Variants in MECR observed in about 807,000 individuals in gnomAD.
The protein encoded by MECR is enoyl-[acyl-carrier-protein] reductase, mitochondrial.
Under a neutral mutation model 49.1 loss-of-function variants are expected in MECR, and 37 were observed. That is an observed-to-expected ratio of 0.75 (90% CI 0.58 to 0.99). The LOEUF is 0.99. MECR is among the 50% of genes least tolerant of loss of function. The pLI is 0.00. For missense variants in MECR, 470 were observed against 479.6 expected (o/e 0.98, Z 0.19); for synonymous variants, 198 against 191.1 (o/e 1.04, Z -0.30).
chr1:29,169,734 G>T, the MECR span: 14 of 152,238 alleles, frequency 9.2e-5, no homozygotes, highest in Non-Finnish European at 1.6e-4. Context: ...TCAAGCCCAT[G>T]GTATTGAGTC....
chr1:29,220,486 C>T (rs1342358031), intron 1 of MECR, among the ~76,000 whole-genome samples: 4 of 152,200 alleles, frequency 2.6e-5, no homozygotes, highest in African/African-American at 9.6e-5. Flanking sequence ...TGCTCTTCCT[C>T]GTTTTAGGCT....
chr1:29,177,506 T>A, the MECR span, among the ~76,000 whole-genome samples: 1 of 152,100 alleles, frequency 6.6e-6, no homozygotes, highest in Non-Finnish European at 1.5e-5. Context: ...GGTCTTGAAC[T>A]TATGACCTTG....
At chr1:29,192,552 G>C (rs535640941), downstream of MECR, among the ~76,000 whole-genome samples, 3 of 152,142 alleles carry the variant, frequency 2.0e-5, no homozygotes, top group South Asian at 6.2e-4. Flanking sequence ...TTCTTTCATT[G>C]GTATCCTTAG....
chr1:29,181,623 G>T, the MECR span: 1 of 1,562,592 alleles, frequency 6.4e-7, no homozygotes, highest in Non-Finnish European at 8.7e-7. Flanking sequence ...CCGCCCGGCC[G>T]GACCCTCTTT....
Position 29,216,061 on chromosome 1 carries a change from C to T in MECR, c.350G>A (p.Ser117Asn), listed in dbSNP as rs199787758. The T allele has an allele frequency of 8.7e-6, 14 of 1,614,074 alleles. No individual in the cohort carries two copies. The Admixed American group carries it at 1.7e-4, about 19-fold the overall frequency. The change falls in exon 3 of 10, where the codon AGC becomes AAC. Residue 117 changes from serine to asparagine, a missense_variant. Transcript: ENST00000263702. ...EGVAQVVAVG[S>N]NVTGLKPGDW... ...TCCTGGCTTCAGCCCGGTCACATTG[C>T]TGCCCACCGCTACCACCTGTGCAAC...
intron 3 of MECR, among the ~76,000 whole-genome samples, chr1:29,208,272 G>A (rs1241188891): frequency 6.6e-6 from 1 of 152,216 alleles, no homozygotes; most frequent in African/African-American, 2.4e-5. Context: ...GATTACAGGC[G>A]TGAGCCACTG....
chr1:29,177,764 G>A, the MECR span, among the ~76,000 whole-genome samples: 2 of 152,100 alleles, frequency 1.3e-5, no homozygotes, highest in Admixed American at 6.5e-5. Flanking sequence ...AAAACGGTAG[G>A]CAATGAACTC....
chr1:29,176,827 T>G, the MECR span, among the ~76,000 whole-genome samples: 2 of 152,226 alleles, frequency 1.3e-5, no homozygotes, highest in African/African-American at 4.8e-5. Context: ...CAACATCCCC[T>G]GAAAATTCAG....
chr1:29,205,616 G>A (rs1366922349), intron 4 of MECR, among the ~76,000 whole-genome samples: 2 of 151,686 alleles, frequency 1.3e-5, no homozygotes, highest in African/African-American at 4.8e-5. Context: ...CGGATCACAA[G>A]GTCAGGAGTT....
intron 9 of MECR, 25 bp from the exon 10 acceptor site, chr1:29,194,204 A>G (rs761755003): frequency 3.8e-6 from 6 of 1,580,612 alleles, no homozygotes; most frequent in Non-Finnish European, 5.2e-6. Context: ...AGGAAATCAG[A>G]CAAGAGAACA....
At chr1:29,181,857 G>A in the MECR span, 5 of 965,150 alleles carry the variant, frequency 5.2e-6, no homozygotes, top group East Asian at 3.4e-5. Context: ...CGGGCGGGCG[G>A]CGGGACGGAC....
chr1:29,213,596 G>C (rs1678578608), intron 3 of MECR, among the ~76,000 whole-genome samples: 1 of 152,246 alleles, frequency 6.6e-6, no homozygotes, highest in Non-Finnish European at 1.5e-5. Flanking sequence ...CCTTCTGGGG[G>C]ATGGATATGG....
At chr1:29,224,878 C>G (rs940684534) in intron 1 of MECR, 1 of 152,234 alleles carries the variant, frequency 6.6e-6, no homozygotes, top group Admixed American at 6.5e-5. Context: ...CCCCTCCCAC[C>G]TCACCCAGGG....
downstream of MECR, among the ~76,000 whole-genome samples, chr1:29,188,066 C>T (rs1376191942): frequency 2.0e-5 from 3 of 148,396 alleles, no homozygotes; most frequent in Non-Finnish European, 4.5e-5. Context: ...AGACGCACAC[C>T]ACCATGCCTG....
At position 29,201,234 on chromosome 1, in the gene MECR, T is replaced by C. The variant is rs751643154; in HGVS notation, c.757-645A>G. ...TTCAGCTCCCTGTGTGCCCCCCTTT[T>C]CAGTTCTTTGACTCAGCTGATATTA... On this transcript the variant is annotated intron_variant, in intron 6 of 9. Coordinates refer to ENST00000263702, the MANE Select transcript of MECR (RefSeq NM_016011.5). This position sits in a 1 kb window ranked among gnomAD's most constrained non-coding sequence, Gnocchi z 4.3. The C allele has an allele frequency of 5.7e-6, 2 of 352,030 alleles. No individual in the cohort carries two copies. Among genetic ancestry groups the C allele is most frequent in the Non-Finnish European group, 5.8e-6 (1 of 172,856 alleles). The allele number at this position is 352,030 out of a possible 1,614,324, so 21.8% of individuals were successfully genotyped here. A position where few individuals can be genotyped will look rare whatever the true frequency, so the allele number is the denominator to read the frequency against.
chr1:29,176,077 C>T, the MECR span, among the ~76,000 whole-genome samples: 3 of 151,900 alleles, frequency 2.0e-5, no homozygotes, highest in African/African-American at 7.3e-5. Flanking sequence ...ACGGTGAAAC[C>T]CTGTCTCTAC....
At chr1:29,199,606 G>A (rs1165126062) in intron 7 of MECR, among the ~76,000 whole-genome samples, 1 of 151,690 alleles carries the variant, frequency 6.6e-6, no homozygotes, top group Non-Finnish European at 1.5e-5. Context: ...CTTGGTAGTG[G>A]GGTGATAGGT....
the MECR span, chr1:29,181,897 A>G: frequency 3.7e-6 from 2 of 546,416 alleles, no homozygotes; most frequent in African/African-American, 2.0e-5. Flanking sequence ...GTACGCGAGC[A>G]CGCAGCTCGC....
At chr1:29,212,324 CAGG>C (rs1221470238) in intron 3 of MECR, among the ~76,000 whole-genome samples, 2 of 152,180 alleles carry the variant, frequency 1.3e-5, no homozygotes, top group East Asian at 3.8e-4. Flanking sequence ...GAGGCTGAGG[CAGG>C]AGAATTGCTT....
Sources: gnomAD v4.1 joint callset for allele counts (sites outside exome capture counted in the v4.1 genomes callset) on GRCh38, gnomAD v4.1.1 for gene constraint, Gnocchi (gnomAD v3.1) non-coding constraint, MANE v1.5 for transcripts, NCBI Gene and HGNC (gene_info 2026-07-23, HGNC 2026-07-21) for gene names.